The following TAF1A variants were observed in gnomAD, a reference collection of about 807,000 sequenced individuals.
TAF1A encodes the protein TATA box-binding protein-associated factor RNA polymerase I subunit A.
In TAF1A, 42 loss-of-function variants were observed where a neutral mutation model predicts 61.6. The observed-to-expected ratio is 0.68, with a 90% CI of 0.53 to 0.88. The LOEUF is 0.88. Among genes scored for constraint, TAF1A ranks in the 40% least tolerant of loss-of-function variants. The pLI is 0.00. For synonymous variants in TAF1A, 179 were observed against 177.7 expected (o/e 1.01, Z -0.06); for missense variants, 424 against 518.7 (o/e 0.82, Z 1.77).
chr1:222,579,970 G>T, intron 3 of TAF1A, 98 bp from the exon 4 acceptor site: 1 of 1,406,944 alleles, frequency 7.1e-7, no homozygotes, highest in Non-Finnish European at 9.5e-7. Context: ...AATAACCTGT[G>T]ATTCCTTTTC....
chr1:222,561,318 A>C, intron 10 of TAF1A, 46 bp downstream of exon 10: 1 of 1,555,984 alleles, frequency 6.4e-7, no homozygotes, highest in African/African-American at 1.4e-5. Flanking sequence ...ATAATTTCAA[A>C]ATCAGCCAAA....
At position 222,578,935 on chromosome 1, in the gene TAF1A, A is replaced by G. The variant is rs112386137; in HGVS notation, c.405+824T>C. ...GTTCCCTTTCAGTTTCTTTACTTCA[A>G]CTGAGTAGATTCTATGAGCCAAAAG... On this transcript the variant is annotated intron_variant, in intron 4 of 10. Coordinates refer to ENST00000352967, the MANE Select transcript of TAF1A (RefSeq NM_005681.4). Among the ~76,000 whole-genome samples, 300 of 152,266 alleles carry G rather than the reference A, an allele frequency of 2.0e-3. 1 individual carries two copies. Among genetic ancestry groups the G allele is most frequent in the African/African-American group, 6.8e-3 (284 of 41,560 alleles).
chr1:222,563,110 T>G lies in TAF1A; in HGVS notation c.1085+63A>C, dbSNP rs570620012. 13 of 1,406,836 alleles carry G rather than the reference T, an allele frequency of 9.2e-6. No individual in the cohort carries two copies. In the African/African-American group the frequency reaches 1.9e-4, roughly 21 times the overall value. 87.1% of individuals were successfully genotyped at this position (1,406,836 alleles called of 1,614,324 possible). A position where few individuals can be genotyped will look rare whatever the true frequency, so the allele number is the denominator to read the frequency against. On this transcript the variant is annotated intron_variant, in intron 9 of 10. Coordinates refer to ENST00000352967, the MANE Select transcript of TAF1A (RefSeq NM_005681.4). ...AGCAAAGATCTTTAAAAATTGATAT[T>G]AGCTAAAATATTGGGAAATATTATT...
rs1411268702 is a variant in TAF1A, at chr1:222,569,609, A to G, written c.795T>C (p.Tyr265=). 3 of 1,613,994 alleles carry G rather than the reference A, an allele frequency of 1.9e-6. No homozygotes were observed. The highest frequency in any genetic ancestry group is 1.7e-5 in the Admixed American group (1 of 60,000). ...TTGGATTTGATGGAAACTTTTCATC[A>G]TATGCATAATTGGTGAGTACCTCTT... ...GAQEVLTNYA[Y]DEKFPSNPNA... The change falls in exon 7 of 11, where the codon TAT becomes TAC. Residue 265 remains tyrosine, a synonymous_variant. Coordinates refer to ENST00000352967, the MANE Select transcript of TAF1A (RefSeq NM_005681.4).
intron 3 of TAF1A, among the ~76,000 whole-genome samples, chr1:222,581,050 C>T (rs981890976): frequency 3.3e-5 from 5 of 152,050 alleles, no homozygotes; most frequent in African/African-American, 1.2e-4. Flanking sequence ...GAGCCAAGAT[C>T]GTGCCACTGC....
chr1:222,564,476 A>G (rs989236058), intron 7 of TAF1A, among the ~76,000 whole-genome samples: 1 of 152,116 alleles, frequency 6.6e-6, no homozygotes, highest in Non-Finnish European at 1.5e-5. Flanking sequence ...GAAGAAAAAA[A>G]GAAAAAAATC....
intron 5 of TAF1A, among the ~76,000 whole-genome samples, 174 bp downstream of exon 5, chr1:222,577,271 T>C (rs1161666458): frequency 6.6e-6 from 1 of 152,206 alleles, no homozygotes; most frequent in Non-Finnish European, 1.5e-5. Context: ...TAATTTATGA[T>C]TGAAGCTTTT....
chr1:222,570,704 A>T lies in TAF1A; in HGVS notation c.605-39T>A, dbSNP rs752136583. 4 of 1,517,666 alleles carry T rather than the reference A, an allele frequency of 2.6e-6. No individual in the cohort carries two copies. In the South Asian group the frequency reaches 5.3e-5, roughly 20 times the overall value. The allele number at this position is 1,517,666 out of a possible 1,614,324, so 94.0% of individuals were successfully genotyped here. A position where few individuals can be genotyped will look rare whatever the true frequency, so the allele number is the denominator to read the frequency against. ...CAAGATCTTTTAACATTCATTAAAC[A>T]TTGAGGACCTCTGTTAAATTAGTAA... On this transcript the variant is annotated intron_variant, in intron 5 of 10. Coordinates refer to ENST00000352967, the MANE Select transcript of TAF1A (RefSeq NM_005681.4).
At chr1:222,573,576 C>T (rs1279803552) in intron 5 of TAF1A, among the ~76,000 whole-genome samples, 3 of 152,168 alleles carry the variant, frequency 2.0e-5, no homozygotes, top group Middle Eastern at 3.4e-3. Flanking sequence ...ACCAGGATGA[C>T]TATAATAGAA....
intron 1 of TAF1A, among the ~76,000 whole-genome samples, 191 bp from the exon 2 acceptor site, chr1:222,588,756 TAA>T (rs2102687516): frequency 6.6e-6 from 1 of 152,334 alleles, no homozygotes; most frequent in East Asian, 1.9e-4. Context: ...AATGATCCAT[TAA>T]AGACCGAACC....
chr1:222,564,658 T>C (rs900094249), intron 7 of TAF1A, among the ~76,000 whole-genome samples: 2 of 152,018 alleles, frequency 1.3e-5, no homozygotes, highest in Non-Finnish European at 2.9e-5. Flanking sequence ...AATGAAAAAA[T>C]TAAAGATTTT....
At chr1:222,577,742 G>A in intron 4 of TAF1A, 99 bp from the exon 5 acceptor site, 2 of 1,073,302 alleles carry the variant, frequency 1.9e-6, no homozygotes, top group Middle Eastern at 2.1e-4. Context: ...AAAGACCTTG[G>A]TAGGATACAA....
chr1:222,558,798 T>A, intron 10 of TAF1A, 26 bp from the exon 11 acceptor site: 1 of 1,199,276 alleles, frequency 8.3e-7, no homozygotes, highest in South Asian at 1.7e-5. Flanking sequence ...AAATAAAAAG[T>A]TTTAATACTC....
rs1571829599 is a variant in TAF1A at position 222,584,009 on chromosome 1, T to C, written c.291+119A>G. 1.8e-5 allele frequency: 20 copies of C among 1,092,926 alleles called. No homozygotes were observed. The East Asian group carries it at 3.3e-4, about 18-fold the overall frequency. The allele number at this position is 1,092,926 out of a possible 1,614,324, so 67.7% of individuals were successfully genotyped here. On this transcript the variant is annotated intron_variant, in intron 3 of 10. Coordinates refer to ENST00000352967, the MANE Select transcript of TAF1A (RefSeq NM_005681.4). ...CCAATACAAACTCTCCACTCAAAAG[T>C]AGTTTTAGTAGCTTTTAGCAAAATC...
At chr1:222,573,942 A>T (rs1334510078) in intron 5 of TAF1A, among the ~76,000 whole-genome samples, 1 of 151,744 alleles carries the variant, frequency 6.6e-6, no homozygotes, top group Non-Finnish European at 1.5e-5. Context: ...ATTACATGCT[A>T]TAACATTAAA....
intron 5 of TAF1A, among the ~76,000 whole-genome samples, chr1:222,574,140 T>C (rs1457593971): frequency 6.6e-6 from 1 of 152,026 alleles, no homozygotes; most frequent in Non-Finnish European, 1.5e-5. Flanking sequence ...GAGCACAGGG[T>C]TTCTTTTTAG....
At chr1:222,568,223 CAAA>C (rs1660198149) in intron 7 of TAF1A, among the ~76,000 whole-genome samples, 2 of 145,664 alleles carry the variant, frequency 1.4e-5, no homozygotes, top group Admixed American at 1.4e-4. Flanking sequence ...TTGAGATAGG[CAAA>C]TATTTCTTAG....
chr1:222,557,617 A>AT (rs35410133), downstream of TAF1A, among the ~76,000 whole-genome samples: 66 of 150,206 alleles, frequency 4.4e-4, no homozygotes, highest in Admixed American at 2.1e-3. Flanking sequence ...AGCCCGGCTA[A>AT]TTTTTTTTTT....
chr1:222,571,369 G>A, intron 5 of TAF1A, among the ~76,000 whole-genome samples: 1 of 151,936 alleles, frequency 6.6e-6, no homozygotes, highest in Non-Finnish European at 1.5e-5. Context: ...TTATATTGGT[G>A]GTTCCAGCCA....
Sources: allele counts gnomAD v4.1 joint callset (sites outside exome capture counted in the v4.1 genomes callset), GRCh38; gene constraint gnomAD v4.1.1; transcripts MANE v1.5; gene names NCBI Gene and HGNC (gene_info 2026-07-23, HGNC 2026-07-21).